SCHIP1: variants seen among roughly 807,000 people sequenced by gnomAD.
The protein encoded by SCHIP1 is schwannomin interacting protein 1.
A neutral mutation model predicts 29.7 loss-of-function variants in SCHIP1; 8 were observed. The observed-to-expected ratio is 0.27, with a 90% confidence interval of 0.16 to 0.49. The LOEUF is 0.49. SCHIP1 is among the 20% of genes least tolerant of loss of function. SCHIP1 has a pLI of 0.99. For missense variants in SCHIP1, 193 were observed against 294.6 expected (o/e 0.66, Z 2.52); for synonymous variants, 76 against 94.9 (o/e 0.80, Z 1.16).
At chr3:159,397,868 T>A in the SCHIP1 span, among the ~76,000 whole-genome samples, 2 of 152,250 alleles carry the variant, frequency 1.3e-5, no homozygotes, top group African/African-American at 4.8e-5. Context: ...TCGAGCTTCC[T>A]GACTGCTTTG....
the SCHIP1 span, among the ~76,000 whole-genome samples, chr3:159,473,003 T>C: frequency 1.5e-3 from 221 of 152,344 alleles, no homozygotes; most frequent in African/African-American, 5.1e-3. Context: ...CAGTGAGTGA[T>C]CATTATTTTG....
At chr3:159,687,163 C>A in the SCHIP1 span, among the ~76,000 whole-genome samples, 1 of 152,106 alleles carries the variant, frequency 6.6e-6, no homozygotes, top group Non-Finnish European at 1.5e-5. Flanking sequence ...TCATAAATCC[C>A]CATCTAGGAA....
At chr3:159,686,928 G>C in the SCHIP1 span, among the ~76,000 whole-genome samples, 2 of 152,098 alleles carry the variant, frequency 1.3e-5, no homozygotes, top group Non-Finnish European at 1.5e-5. Flanking sequence ...TCTCTGTTCT[G>C]TACTAACCCT....
chr3:159,398,261 T>A, the SCHIP1 span, among the ~76,000 whole-genome samples: 2 of 152,036 alleles, frequency 1.3e-5, no homozygotes, highest in African/African-American at 4.8e-5. Context: ...GTACCTCAGA[T>A]GGAAATGCAG....
chr3:159,411,862 C>A, the SCHIP1 span, among the ~76,000 whole-genome samples: 10 of 152,056 alleles, frequency 6.6e-5, 1 homozygote, highest in African/African-American at 2.4e-4. Flanking sequence ...GCATGAAGAC[C>A]AATATTGTGA....
the SCHIP1 span, among the ~76,000 whole-genome samples, chr3:159,503,379 A>G: frequency 6.6e-6 from 1 of 152,180 alleles, no homozygotes; most frequent in Non-Finnish European, 1.5e-5. Context: ...CACTCTTACT[A>G]CACATGGTAA....
the SCHIP1 span, among the ~76,000 whole-genome samples, chr3:159,734,454 T>C: frequency 3.9e-5 from 6 of 152,196 alleles, no homozygotes; most frequent in South Asian, 1.0e-3. Context: ...CTGTTATCTT[T>C]TATAAGATAA....
chr3:159,769,741 G>A, the SCHIP1 span, among the ~76,000 whole-genome samples: 1 of 152,210 alleles, frequency 6.6e-6, no homozygotes, highest in African/African-American at 2.4e-5. Flanking sequence ...CAAGAGTGAA[G>A]CTTCGTCTCA....
At chr3:159,637,486 C>T in the SCHIP1 span, among the ~76,000 whole-genome samples, 1 of 151,762 alleles carries the variant, frequency 6.6e-6, no homozygotes, top group African/African-American at 2.4e-5. Context: ...CTTAAGCAAC[C>T]CCTGAGCTTG....
chr3:159,650,659 ATTG>A, the SCHIP1 span, among the ~76,000 whole-genome samples: 3 of 152,300 alleles, frequency 2.0e-5, no homozygotes, highest in South Asian at 6.2e-4. Context: ...TGTTTATTGC[ATTG>A]TTGTTTATAA....
At chr3:159,447,620 T>C in the SCHIP1 span, among the ~76,000 whole-genome samples, 15 of 152,288 alleles carry the variant, frequency 9.8e-5, no homozygotes, top group Admixed American at 8.5e-4. Context: ...TTACTGAGCT[T>C]AGATGAGCCC....
At chr3:159,785,920 G>A in the SCHIP1 span, among the ~76,000 whole-genome samples, 1 of 151,896 alleles carries the variant, frequency 6.6e-6, no homozygotes, top group African/African-American at 2.4e-5. Context: ...TTTATTTTGG[G>A]GACATGAATA....
chr3:159,637,275 T>C, the SCHIP1 span, among the ~76,000 whole-genome samples: 1 of 152,042 alleles, frequency 6.6e-6, no homozygotes, highest in Non-Finnish European at 1.5e-5. Context: ...AATCTGTCAT[T>C]TTGGAACTCA....
At chr3:159,779,506 C>CAAA in the SCHIP1 span, among the ~76,000 whole-genome samples, 10 of 129,096 alleles carry the variant, frequency 7.7e-5, no homozygotes, top group African/African-American at 2.2e-4. Flanking sequence ...CTGTCTCTAC[C>CAAA]AAAAAAAAAA....
the SCHIP1 span, among the ~76,000 whole-genome samples, chr3:159,673,175 G>A: frequency 1.3e-5 from 2 of 152,254 alleles, no homozygotes; most frequent in Non-Finnish European, 2.9e-5. Context: ...TTTCTGTTCT[G>A]TTAGTTATTT....
chr3:159,468,925 C>T, the SCHIP1 span, among the ~76,000 whole-genome samples: 3 of 151,590 alleles, frequency 2.0e-5, no homozygotes, highest in East Asian at 5.8e-4. Context: ...CACCACCACA[C>T]CAGGCTAATT....
the SCHIP1 span, among the ~76,000 whole-genome samples, chr3:159,280,412 C>T: frequency 6.6e-6 from 1 of 152,120 alleles, no homozygotes; most frequent in Non-Finnish European, 1.5e-5. Context: ...GAACACTTGG[C>T]CTTGTTTGGA....
At chr3:159,766,395 C>G in the SCHIP1 span, among the ~76,000 whole-genome samples, 1 of 152,184 alleles carries the variant, frequency 6.6e-6, no homozygotes, top group East Asian at 1.9e-4. Flanking sequence ...AATTAGCATA[C>G]TCATTTTAAT....
chr3:159,751,081 C>T, the SCHIP1 span, among the ~76,000 whole-genome samples: 2 of 152,062 alleles, frequency 1.3e-5, no homozygotes, highest in African/African-American at 4.8e-5. Flanking sequence ...GGTTCTAGTA[C>T]TCTAATGATC....
Sources: allele counts gnomAD v4.1 joint callset (sites outside exome capture counted in the v4.1 genomes callset), GRCh38; gene constraint gnomAD v4.1.1; transcripts MANE v1.5; gene names NCBI Gene and HGNC (gene_info 2026-07-23, HGNC 2026-07-21).